The following PTCSC3 variants were observed in gnomAD, a reference collection of about 807,000 sequenced individuals.
The protein encoded by PTCSC3 is papillary thyroid carcinoma susceptibility candidate 3.
chr14:36,157,209 C>G (rs1195672274), intron 2 of PTCSC3, among the ~76,000 whole-genome samples: 1 of 152,040 alleles, frequency 6.6e-6, no homozygotes, highest in Non-Finnish European at 1.5e-5. Context: ...ATAAATGTCT[C>G]CTTTTGAGGA....
intron 3 of PTCSC3, among the ~76,000 whole-genome samples, chr14:36,139,384 G>A (rs552608080): frequency 1.3e-5 from 2 of 152,132 alleles, no homozygotes; most frequent in African/African-American, 2.4e-5. Context: ...CTGGAAAATT[G>A]TAATACAGAC....
intron 3 of PTCSC3, among the ~76,000 whole-genome samples, chr14:36,151,891 G>A (rs1881731729): frequency 1.3e-5 from 2 of 152,154 alleles, no homozygotes; most frequent in African/African-American, 4.8e-5. Flanking sequence ...GGAAGCAAGA[G>A]GGAATTTTTC....
chr14:36,174,764 T>C (rs191093264), intron 1 of PTCSC3, among the ~76,000 whole-genome samples: 24 of 152,330 alleles, frequency 1.6e-4, no homozygotes, highest in Non-Finnish European at 2.8e-4. Context: ...TTTCAGGCTT[T>C]GTTGGGGTGA....
chr14:36,150,259 G>A (rs190479904), intron 3 of PTCSC3, among the ~76,000 whole-genome samples: 2 of 152,246 alleles, frequency 1.3e-5, no homozygotes, highest in Admixed American at 6.5e-5. Flanking sequence ...GAAGGTTGTT[G>A]AGTTATGAGG....
intron 3 of PTCSC3, among the ~76,000 whole-genome samples, chr14:36,146,029 G>C (rs1266768835): frequency 6.6e-6 from 1 of 152,066 alleles, no homozygotes; most frequent in East Asian, 1.9e-4. Flanking sequence ...CTGAGAGATA[G>C]TTTGTTATAA....
intron 3 of PTCSC3, among the ~76,000 whole-genome samples, chr14:36,139,118 A>AC (rs1881357954): frequency 9.8e-6 from 1 of 102,276 alleles, no homozygotes; most frequent in Non-Finnish European, 2.5e-5. Flanking sequence ...CATCTCAAAA[A>AC]TAAAAAAAAA....
At chr14:36,169,258 T>C (rs1221464077) in intron 1 of PTCSC3, among the ~76,000 whole-genome samples, 1 of 152,164 alleles carries the variant, frequency 6.6e-6, no homozygotes, top group African/African-American at 2.4e-5. Flanking sequence ...GTCCTAAATA[T>C]ATAATTGTAA....
chr14:36,140,351 G>C (rs1881390840), intron 3 of PTCSC3, among the ~76,000 whole-genome samples: 1 of 152,114 alleles, frequency 6.6e-6, no homozygotes, highest in Admixed American at 6.5e-5. Flanking sequence ...AATTCATCTG[G>C]GTTAAATACT....
At chr14:36,156,534 G>T (rs1168582173) in intron 2 of PTCSC3, among the ~76,000 whole-genome samples, 1 of 152,086 alleles carries the variant, frequency 6.6e-6, no homozygotes, top group African/African-American at 2.4e-5. Flanking sequence ...TCTACATTAG[G>T]TATTTCTCCT....
chr14:36,157,840 C>G (rs1028299957), intron 2 of PTCSC3, among the ~76,000 whole-genome samples: 1 of 152,136 alleles, frequency 6.6e-6, no homozygotes, highest in Admixed American at 6.5e-5. Flanking sequence ...CTATAAATTA[C>G]TTTGGGCTGT....
intron 1 of PTCSC3, among the ~76,000 whole-genome samples, chr14:36,167,522 G>C (rs1490716429): frequency 6.6e-6 from 1 of 152,076 alleles, no homozygotes; most frequent in Non-Finnish European, 1.5e-5. Flanking sequence ...TTCAGTCCTG[G>C]GTAGAATGTG....
intron 1 of PTCSC3, among the ~76,000 whole-genome samples, chr14:36,167,359 G>C (rs761463057): frequency 6.6e-6 from 1 of 152,054 alleles, no homozygotes; most frequent in Non-Finnish European, 1.5e-5. Flanking sequence ...AACTTCTAGA[G>C]ATGCCATGGT....
intron 1 of PTCSC3, among the ~76,000 whole-genome samples, chr14:36,169,452 T>A (rs966620759): frequency 3.9e-5 from 6 of 152,138 alleles, no homozygotes; most frequent in Non-Finnish European, 8.8e-5. Flanking sequence ...TGGATTCAGG[T>A]ACAATCAGAA....
In PTCSC3 at chr14:36,154,992, C is replaced by G. The variant is rs1401877819; in HGVS notation, n.232-1098G>C. ...TCTTTATATCATATAAATGAGAAAACAGTGCCCTGATGAGTATTATATTCT... is the reference window on the plus strand; with the variant it reads ...TCTTTATATCATATAAATGAGAAAAGAGTGCCCTGATGAGTATTATATTCT... On this transcript the variant is annotated intron_variant and non_coding_transcript_variant, in intron 2 of 3. Transcript: ENST00000556013. Among the ~76,000 whole-genome samples the G allele has an allele frequency of 2.0e-5, 3 of 152,118 alleles. No individual in the cohort carries two copies. The East Asian group carries it at 5.8e-4, about 29-fold the overall frequency.
At chr14:36,157,756 C>T (rs577511510) in intron 2 of PTCSC3, among the ~76,000 whole-genome samples, 47 of 152,058 alleles carry the variant, frequency 3.1e-4, no homozygotes, top group South Asian at 1.0e-3. Flanking sequence ...TTTTTGGTTC[C>T]GTATGAAATT....
chr14:36,162,963 AGT>A (rs372606857), intron 1 of PTCSC3, among the ~76,000 whole-genome samples: 317 of 152,310 alleles, frequency 2.1e-3, no homozygotes, highest in Middle Eastern at 6.8e-3. Context: ...AATGGATGGT[AGT>A]CTTTTTTCTT....
intron 1 of PTCSC3, among the ~76,000 whole-genome samples, chr14:36,169,496 G>A (rs978066157): frequency 6.6e-6 from 1 of 152,232 alleles, no homozygotes. Flanking sequence ...CAACCACTTT[G>A]ACAAGGATAG....
intron 2 of PTCSC3, among the ~76,000 whole-genome samples, chr14:36,161,417 A>T (rs1346680364): frequency 6.6e-6 from 1 of 152,058 alleles, no homozygotes. Context: ...GTGTCTGGAC[A>T]TCCTTTTTGT....
intron 1 of PTCSC3, among the ~76,000 whole-genome samples, chr14:36,173,103 T>C (rs920435807): frequency 6.6e-6 from 1 of 151,534 alleles, no homozygotes; most frequent in South Asian, 2.1e-4. Context: ...AGATAAACTT[T>C]AATTAGTCTT....
Sources: allele counts gnomAD v4.1 joint callset (sites outside exome capture counted in the v4.1 genomes callset), GRCh38; gene constraint gnomAD v4.1.1; transcripts MANE v1.5; gene names NCBI Gene and HGNC (gene_info 2026-07-23, HGNC 2026-07-21).